Variants in RALYL observed in about 807,000 individuals in gnomAD.
The protein encoded by RALYL is RALY RNA binding protein like.
A neutral mutation model predicts 35.1 loss-of-function variants in RALYL; 29 were observed. The observed-to-expected ratio is 0.83, with a 90% CI of 0.61 to 1.13. The LOEUF (loss-of-function observed/expected upper bound fraction) is 1.13. RALYL is among the 50% of genes most tolerant of loss of function. The pLI, the probability that RALYL is intolerant of heterozygous loss-of-function variation, is 0.00. For missense variants in RALYL, 359 were observed against 360.4 expected (o/e 1.00, Z 0.03); for synonymous variants, 120 against 127.6 (o/e 0.94, Z 0.40).
chr8:84,767,084 AAAT>A (rs1352307743), intron 2 of RALYL, among the ~76,000 whole-genome samples: 4 of 152,186 alleles, frequency 2.6e-5, no homozygotes, highest in Admixed American at 2.6e-4. Flanking sequence ...CAAAAGCATG[AAAT>A]AATAGAAATC....
intron 5 of RALYL, 101 bp from the exon 6 acceptor site, chr8:84,862,195 T>C (rs1315895242): frequency 6.1e-6 from 6 of 983,434 alleles, no homozygotes; most frequent in African/African-American, 1.7e-5. Context: ...AGAAAACATT[T>C]ATTGAAATTT....
intron 1 of RALYL, among the ~76,000 whole-genome samples, chr8:84,466,984 T>G (rs1246755674): frequency 6.6e-6 from 1 of 152,204 alleles, no homozygotes; most frequent in Non-Finnish European, 1.5e-5. Flanking sequence ...GGATCGGTGG[T>G]GATATCCCCT....
At chr8:84,464,219 C>A (rs1751389555) in intron 1 of RALYL, among the ~76,000 whole-genome samples, 2 of 150,686 alleles carry the variant, frequency 1.3e-5, no homozygotes, top group Admixed American at 6.6e-5. Flanking sequence ...TATACATGTG[C>A]CATGCTGGTG....
intron 1 of RALYL, among the ~76,000 whole-genome samples, chr8:84,223,212 C>CCTTCCCTTCCCTTCT (rs1333971630): frequency 0.017 from 854 of 50,100 alleles, 57 homozygotes; most frequent in African/African-American, 0.051. Flanking sequence ...TCCATTCCTC[C>CCTTCCCTTCCCTTCT]CTTCCCTTCC....
At chr8:84,510,046 T>C (rs538002779) in intron 1 of RALYL, among the ~76,000 whole-genome samples, 20 of 152,324 alleles carry the variant, frequency 1.3e-4, no homozygotes, top group African/African-American at 4.6e-4. Context: ...CACAAAGTAA[T>C]TTCCTGGAAT....
chr8:84,216,002 G>C (rs191580969), intron 1 of RALYL, among the ~76,000 whole-genome samples: 37 of 152,164 alleles, frequency 2.4e-4, no homozygotes, highest in Middle Eastern at 3.4e-3. Flanking sequence ...TAGTCCCAGA[G>C]TAACATTTGA....
intron 2 of RALYL, among the ~76,000 whole-genome samples, chr8:84,684,674 C>A (rs575609576): frequency 2.0e-5 from 3 of 152,238 alleles, no homozygotes; most frequent in South Asian, 2.1e-4. Flanking sequence ...GAATTAAAAT[C>A]GTGTAAGAAT....
At chr8:84,354,683 A>C (rs2131137842) in intron 1 of RALYL, among the ~76,000 whole-genome samples, 1 of 150,486 alleles carries the variant, frequency 6.6e-6, no homozygotes, top group Non-Finnish European at 1.5e-5. Context: ...TCTACATTAA[A>C]TATCTAAGTC....
At chr8:84,754,472 TC>T (rs1184335965) in intron 2 of RALYL, among the ~76,000 whole-genome samples, 3 of 152,156 alleles carry the variant, frequency 2.0e-5, no homozygotes, top group South Asian at 2.1e-4. Context: ...CTCCTCAGTT[TC>T]CTTTCACTTC....
intron 7 of RALYL, among the ~76,000 whole-genome samples, chr8:84,883,528 C>T (rs1842494425): frequency 6.6e-6 from 1 of 151,900 alleles, no homozygotes; most frequent in Admixed American, 6.6e-5. Context: ...ACGGGAAACC[C>T]CTTATAAAAC....
Position 84,716,863 on chromosome 8 carries a change from C to T in RALYL, c.257-57716C>T, listed in dbSNP as rs147988498. Among the ~76,000 whole-genome samples, 507 of 152,080 alleles carry T rather than the reference C, an allele frequency of 3.3e-3. 5 individuals carry two copies. Among genetic ancestry groups the T allele is most frequent in the African/African-American group, 0.012 (494 of 41,502 alleles). ...TCTACTTTAAAAATATGCTTTGAAA[C>T]TTGAGTATCTAGGAAAAAAGTTAAT... On this transcript the variant is annotated intron_variant, in intron 2 of 8. Transcript: ENST00000521268.
chr8:84,293,144 C>CT (rs1020561700), intron 1 of RALYL, among the ~76,000 whole-genome samples: 2 of 152,114 alleles, frequency 1.3e-5, no homozygotes, highest in Admixed American at 1.3e-4. Flanking sequence ...AGTTTAACTA[C>CT]TTTTTTAAGT....
chr8:84,619,122 G>T (rs963586076), intron 2 of RALYL, among the ~76,000 whole-genome samples: 1 of 151,448 alleles, frequency 6.6e-6, no homozygotes, highest in African/African-American at 2.4e-5. Context: ...ACTTGGTGCA[G>T]AGCTGAGTTC....
chr8:84,911,046 G>T (rs913352579), intron 8 of RALYL, among the ~76,000 whole-genome samples: 10 of 152,178 alleles, frequency 6.6e-5, no homozygotes, highest in East Asian at 5.8e-4. Flanking sequence ...ATATCTGGAA[G>T]TATTGATATA....
chr8:84,243,522 T>G (rs914815783), intron 1 of RALYL, among the ~76,000 whole-genome samples: 1 of 147,846 alleles, frequency 6.8e-6, no homozygotes, highest in Non-Finnish European at 1.5e-5. Context: ...TTTTTTTTTT[T>G]GAGGTCTATC....
chr8:84,801,660 T>TAA (rs1322062760), intron 3 of RALYL, among the ~76,000 whole-genome samples: 2 of 152,218 alleles, frequency 1.3e-5, no homozygotes, highest in African/African-American at 2.4e-5. Context: ...TATATAATGC[T>TAA]AAGTGTACCA....
intron 1 of RALYL, among the ~76,000 whole-genome samples, chr8:84,250,263 G>T (rs1208918080): frequency 2.0e-5 from 3 of 152,052 alleles, no homozygotes; most frequent in Non-Finnish European, 4.4e-5. Flanking sequence ...TGAGCAGATG[G>T]TACTAAGAAA....
At chr8:84,537,439 T>G (rs1272673775) in intron 2 of RALYL, among the ~76,000 whole-genome samples, 1 of 148,360 alleles carries the variant, frequency 6.7e-6, no homozygotes, top group African/African-American at 2.5e-5. Flanking sequence ...ATCATGCCAC[T>G]GCACTCCAGC....
chr8:84,553,305 G>A (rs1164654975), intron 2 of RALYL, among the ~76,000 whole-genome samples: 1 of 152,096 alleles, frequency 6.6e-6, no homozygotes, highest in African/African-American at 2.4e-5. Context: ...GGGACTACAG[G>A]CACACACTGC....
Sources: gnomAD v4.1 joint callset for allele counts (sites outside exome capture counted in the v4.1 genomes callset) on GRCh38, gnomAD v4.1.1 for gene constraint, MANE v1.5 for transcripts, NCBI Gene and HGNC (gene_info 2026-07-23, HGNC 2026-07-21) for gene names.